The following PLXNC1 variants were observed in gnomAD, a reference collection of about 807,000 sequenced individuals.
PLXNC1 encodes plexin C1.
In PLXNC1, 75 loss-of-function variants were observed where a neutral mutation model predicts 178.2. The observed-to-expected ratio is 0.42, with a 90% CI of 0.35 to 0.51. The LOEUF is 0.51. Ranked by LOEUF, PLXNC1 falls within the 20% of genes least tolerant of loss-of-function variation. PLXNC1 has a pLI of 0.02. For synonymous variants in PLXNC1, 790 were observed against 779.9 expected, an observed-to-expected ratio of 1.01 and a Z score of -0.22; for missense variants, 1,503 against 1,984.4, an observed-to-expected ratio of 0.76 and a Z score of 4.61.
In PLXNC1 at chr12:94,255,123, A is replaced by G. The variant is rs527513951; in HGVS notation, c.2984-70A>G. The G allele has an allele frequency of 1.5e-5, 19 of 1,231,946 alleles. No homozygotes were observed. In the South Asian group the frequency reaches 2.2e-4, roughly 14 times the overall value. 76.3% of individuals were successfully genotyped at this position (1,231,946 alleles called of 1,614,324 possible). On this transcript the variant is annotated intron_variant, in intron 16 of 30. Transcript: ENST00000258526. ...AAACCAAGGTCATACTCTGTGTTAGACAAAACAGCAGAAGATCCTATCCAT... is the reference window on the plus strand; with the variant it reads ...AAACCAAGGTCATACTCTGTGTTAGGCAAAACAGCAGAAGATCCTATCCAT...
chr12:94,236,195 A>C (rs7978182), intron 9 of PLXNC1, among the ~76,000 whole-genome samples: 10,416 of 152,296 alleles, frequency 0.068, 473 homozygotes, highest in African/African-American at 0.13. Context: ...ATTAAAATAA[A>C]TTCTGCTACC....
intron 23 of PLXNC1, among the ~76,000 whole-genome samples, chr12:94,285,338 G>A (rs969511929): frequency 6.6e-6 from 1 of 152,228 alleles, no homozygotes; most frequent in South Asian, 2.1e-4. Flanking sequence ...CTTAGACAAT[G>A]GCCAGGGACA....
chr12:94,280,293 T>G, intron 22 of PLXNC1: 1 of 163,102 alleles, frequency 6.1e-6, no homozygotes, highest in Admixed American at 5.8e-5. Context: ...CTCCGTGCAG[T>G]CCTCCCAGGA....
chr12:94,265,313 GT>G, intron 21 of PLXNC1, 88 bp downstream of exon 21: 1 of 1,230,636 alleles, frequency 8.1e-7, no homozygotes, highest in East Asian at 2.4e-5. Flanking sequence ...CAATGAAACG[GT>G]ATCATCTCTA....
chr12:94,207,786 CT>C (rs1473018583), intron 4 of PLXNC1, among the ~76,000 whole-genome samples: 1 of 152,172 alleles, frequency 6.6e-6, no homozygotes, highest in Non-Finnish European at 1.5e-5. Context: ...TGTTTTCTGC[CT>C]ACAAATTGGC....
intron 5 of PLXNC1, among the ~76,000 whole-genome samples, chr12:94,215,359 T>C (rs12228561): frequency 0.2 from 31,052 of 152,190 alleles, 3,316 homozygotes; most frequent in Middle Eastern, 0.26. Flanking sequence ...GAAGATATCA[T>C]AAAAATGTCA....
At chr12:94,269,395 C>G (rs1965440250) in intron 21 of PLXNC1, among the ~76,000 whole-genome samples, 1 of 152,224 alleles carries the variant, frequency 6.6e-6, no homozygotes, top group African/African-American at 2.4e-5. Flanking sequence ...CTACCCCAGT[C>G]TGTCTCTTTC....
intron 9 of PLXNC1, among the ~76,000 whole-genome samples, chr12:94,235,619 T>C (rs1964217751): frequency 6.6e-6 from 1 of 152,162 alleles, no homozygotes; most frequent in African/African-American, 2.4e-5. Flanking sequence ...AAATGTTTTC[T>C]ACAAAGAGCC....
chr12:94,294,322 T>C (rs749263959), intron 23 of PLXNC1, among the ~76,000 whole-genome samples, 164 bp from the exon 24 acceptor site: 10 of 152,226 alleles, frequency 6.6e-5, no homozygotes, highest in Admixed American at 1.3e-4. Flanking sequence ...GCTTGTCATT[T>C]AGTCCCAGCC....
rs199700150 is a variant in PLXNC1 at position 94,284,179 on chromosome 12, T to C, written c.3879+1778T>C. On this transcript the variant is annotated intron_variant, in intron 23 of 30. Coordinates refer to ENST00000258526, the MANE Select transcript of PLXNC1 (RefSeq NM_005761.3). ...TAGTGATTTTATCCCCAGGAGCAAT[T>C]TGGGGAGAGTCAGAATCTTGTAGCC... is the stretch of plus-strand genomic sequence containing the variant. Among the ~76,000 whole-genome samples the C allele has an allele frequency of 2.4e-4, 36 of 152,074 alleles. 1 individual carries two copies. In the East Asian group the frequency reaches 4.6e-3, roughly 20 times the overall value.
At chr12:94,183,683 A>C (rs1307312077) in intron 3 of PLXNC1, among the ~76,000 whole-genome samples, 3 of 152,234 alleles carry the variant, frequency 2.0e-5, no homozygotes, top group Admixed American at 6.5e-5. Context: ...CATGGATAGT[A>C]ATGGAACCCC....
chr12:94,224,541 G>T (rs1963887061), intron 7 of PLXNC1, among the ~76,000 whole-genome samples: 1 of 152,132 alleles, frequency 6.6e-6, no homozygotes, highest in Admixed American at 6.5e-5. Context: ...AATCCCCTGT[G>T]CTTAAGTGTT....
intron 23 of PLXNC1, among the ~76,000 whole-genome samples, chr12:94,293,334 C>T (rs183940535): frequency 4.4e-4 from 67 of 152,316 alleles, no homozygotes; most frequent in African/African-American, 1.4e-3. Context: ...TGAAATGGCT[C>T]TGTCATAGGG....
chr12:94,198,775 C>T (rs1443957004), intron 4 of PLXNC1, among the ~76,000 whole-genome samples: 1 of 152,160 alleles, frequency 6.6e-6, no homozygotes, highest in East Asian at 1.9e-4. Context: ...TTCACATGAC[C>T]TTCTTCTGTG....
chr12:94,184,119 C>G (rs1178833021), intron 3 of PLXNC1, among the ~76,000 whole-genome samples: 1 of 37,046 alleles, frequency 2.7e-5, no homozygotes, highest in East Asian at 3.6e-3. Context: ...TCCTCTCTCT[C>G]TCTCTCTTTT....
rs1324800033 is a variant in PLXNC1 at position 94,240,512 on chromosome 12, C to T, written c.2148C>T (p.Asp716=). The stretch of plus-strand genomic sequence containing the variant: ...TACAGGTTAGCCATGTGCTAAATGA[C>T]ACCCACATGAAATTCTCTCTTCCAT... ...DVIQVSHVLN[D]THMKFSLPSS... The change falls in exon 11 of 31, where the codon GAC becomes GAT. Residue 716 remains aspartate (D), a synonymous_variant. Coordinates refer to ENST00000258526, the MANE Select transcript of PLXNC1 (RefSeq NM_005761.3). The T allele has an allele frequency of 6.2e-7, 1 of 1,613,870 alleles. No individual in the cohort carries two copies. Among genetic ancestry groups the T allele is most frequent in the East Asian group, 2.2e-5 (1 of 44,874 alleles).
At chr12:94,157,264 G>T (rs374055718) in intron 1 of PLXNC1, among the ~76,000 whole-genome samples, 1 of 152,166 alleles carries the variant, frequency 6.6e-6, no homozygotes, top group Non-Finnish European at 1.5e-5. Context: ...ACAGGATGGC[G>T]GAAGAGCCAC....
chr12:94,271,410 C>T (rs1254861438), intron 21 of PLXNC1, among the ~76,000 whole-genome samples: 1 of 152,238 alleles, frequency 6.6e-6, no homozygotes, highest in African/African-American at 2.4e-5. Context: ...TGCCAGCCCC[C>T]TGCAGCCTTA....
At chr12:94,265,933 G>A (rs1965210406) in intron 21 of PLXNC1, among the ~76,000 whole-genome samples, 1 of 152,230 alleles carries the variant, frequency 6.6e-6, no homozygotes, top group Admixed American at 6.5e-5. Flanking sequence ...GCCAAGCAGG[G>A]AAGGTAACTT....
Sources: gnomAD v4.1 joint callset for allele counts (sites outside exome capture counted in the v4.1 genomes callset) on GRCh38, gnomAD v4.1.1 for gene constraint, MANE v1.5 for transcripts, NCBI Gene and HGNC (gene_info 2026-07-23, HGNC 2026-07-21) for gene names.